WDR91: variants seen among roughly 807,000 people sequenced by gnomAD.
The protein encoded by WDR91 is WD repeat domain 91, also known as WD repeat-containing protein 91.
In WDR91, 52 loss-of-function variants were observed where a neutral mutation model predicts 88.4. The observed-to-expected ratio is 0.59, with a 90% CI of 0.47 to 0.74. The LOEUF is 0.74. Ranked by LOEUF, WDR91 falls within the 30% of genes least tolerant of loss-of-function variation. The probability of loss-of-function intolerance (pLI) is 0.00; values close to 1 mark genes in which losing one functional copy is unlikely to be tolerated. For missense variants in WDR91, 824 were observed against 954.5 expected (o/e 0.86, Z 1.80); for synonymous variants, 362 against 389.5 (o/e 0.93, Z 0.83).
chr7:135,208,743 C>T (rs1194034363), intron 3 of WDR91, 48 bp downstream of exon 3: 6 of 1,505,060 alleles, frequency 4.0e-6, no homozygotes, highest in Non-Finnish European at 5.4e-6. Flanking sequence ...ATCCTGAGGT[C>T]TGGGTGCCTC....
At chr7:135,194,792 C>T in intron 9 of WDR91, 142 bp downstream of exon 9, 1 of 1,185,896 alleles carries the variant, frequency 8.4e-7, no homozygotes, top group South Asian at 1.5e-5. Context: ...CTGGGCCAGT[C>T]CTGGATGTGT....
At position 135,193,297 on chromosome 7, in the gene WDR91, G is replaced by A. The variant is rs201469951; in HGVS notation, c.1593C>T (p.Gly531=). 1.9e-5 allele frequency: 31 copies of A among 1,614,078 alleles called. No homozygotes were observed. The highest frequency in any genetic ancestry group is 8.5e-7 in the Non-Finnish European group (1 of 1,180,050). The change falls in exon 11 of 15, where the codon GGC becomes GGT. Residue 531 remains glycine, a synonymous_variant. Transcript: ENST00000354475. The part of the protein sequence containing the change: ...SQVDFSAPDI[G]SKGMNQVPGR... ...CAGGAACCTGGTTCATGCCCTTGCT[G>A]CCGATGTCTGGTGCTGAGAAGTCCA...
intron 13 of WDR91, 24 bp from the exon 14 acceptor site, chr7:135,187,193 G>A (rs1324431206): frequency 7.4e-6 from 12 of 1,613,028 alleles, no homozygotes; most frequent in Non-Finnish European, 1.0e-5. Flanking sequence ...GCACAAGCAG[G>A]GTGCTCGCAG....
intron 6 of WDR91, chr7:135,199,437 G>A (rs1382278102): frequency 6.6e-6 from 1 of 152,232 alleles, no homozygotes; most frequent in Non-Finnish European, 1.5e-5. Context: ...AAAAGCCACG[G>A]AGAGGTAATG....
In WDR91 at chr7:135,196,325, T is replaced by C; in HGVS notation, c.1063A>G (p.Lys355Glu). Residue 355 changes from lysine (K) to glutamate (E), a missense_variant, in exon 8 of 15, where the codon AAA (lysine) becomes GAA (glutamate). By Grantham distance (56) the Lys-to-Glu change is moderately conservative (BLOSUM62 1). Coordinates refer to ENST00000354475, the MANE Select transcript of WDR91 (RefSeq NM_014149.4). This position sits in a 1 kb window ranked among gnomAD's most constrained non-coding sequence, Gnocchi z 4.2. Reference protein sequence around the residue: ...STTTSQCAEKKPEASGPEAEP... With the variant: ...STTTSQCAEKEPEASGPEAEP... Reference sequence around the variant, plus strand: ...GCCTCTGGGCCACTGGCTTCTGGTTTCTTCTCTGCACACTGTCACAAGCAG... The same window carrying C: ...GCCTCTGGGCCACTGGCTTCTGGTTCCTTCTCTGCACACTGTCACAAGCAG... 6.4e-7 allele frequency: 1 copy of C among 1,569,816 alleles called. No individual in the cohort carries two copies. The highest frequency in any genetic ancestry group is 8.6e-7 in the Non-Finnish European group (1 of 1,158,852).
chr7:135,208,630 CA>C (rs1201777179), intron 3 of WDR91, among the ~76,000 whole-genome samples, 160 bp downstream of exon 3: 3 of 152,196 alleles, frequency 2.0e-5, no homozygotes, highest in Non-Finnish European at 4.4e-5. Flanking sequence ...GGCTTACTGA[CA>C]AAAACAACCA....
At chr7:135,207,611 T>C (rs933430463) in intron 3 of WDR91, among the ~76,000 whole-genome samples, 2 of 152,202 alleles carry the variant, frequency 1.3e-5, no homozygotes, top group Non-Finnish European at 2.9e-5. Flanking sequence ...ATACAGCCAA[T>C]GAGGCAGAAA....
chr7:135,196,207 T>C lies in WDR91; in HGVS notation c.1181A>G (p.Gln394Arg). ...CTCCTGTCCCAGCACAATAAAGGGC[T>C]GCTCGGGGCGGACTCCTCCACCCTC... is the stretch of plus-strand genomic sequence containing the variant. ...GPEGGGVRPE[Q>R]PFIVLGQEEY... The change falls in exon 8 of 15, where the codon CAG (glutamine) becomes CGG (arginine). Residue 394 changes from glutamine (Q) to arginine (R), a missense_variant. Gln to Arg is a conservative substitution (Grantham distance 43). Transcript: ENST00000354475. The surrounding 1 kb of genome is among the most constrained non-coding windows in gnomAD (Gnocchi z 4.2). 6.2e-7 allele frequency: 1 copy of C among 1,610,346 alleles called. No homozygotes were observed. Among genetic ancestry groups the C allele is most frequent in the South Asian group, 1.1e-5 (1 of 90,666 alleles).
chr7:135,198,563 C>T (rs536465364), intron 6 of WDR91: 1 of 160,438 alleles, frequency 6.2e-6, no homozygotes, highest in Non-Finnish European at 1.4e-5. Flanking sequence ...ATGCAACAAG[C>T]AATCACCTCT....
At chr7:135,189,323 G>T in intron 12 of WDR91, 21 bp downstream of exon 12, 1 of 1,603,570 alleles carries the variant, frequency 6.2e-7, no homozygotes, top group Non-Finnish European at 8.5e-7. Flanking sequence ...ATCAAGGATT[G>T]CTATGAGCAC....
Position 135,187,145 on chromosome 7 carries a change from T to C in WDR91, c.1906A>G (p.Ser636Gly). The change falls in exon 14 of 15, where the codon AGT (serine) becomes GGT (glycine). Residue 636 changes from serine (S) to glycine (G), a missense_variant. Coordinates refer to ENST00000354475, the MANE Select transcript of WDR91 (RefSeq NM_014149.4). Reference sequence around the variant, plus strand: ...CTGTACTCGGATACCTTGAGGCCACTCTTGTGGATGTTCCACTGGATGAAC... The same window carrying C: ...CTGTACTCGGATACCTTGAGGCCACCCTTGTGGATGTTCCACTGGATGAAC... ...GKFIQWNIHK[S>G]GLKVSEYSLP... The C allele has an allele frequency of 1.2e-6, 2 of 1,614,204 alleles. No homozygotes were observed. The highest frequency in any genetic ancestry group is 1.7e-6 in the Non-Finnish European group (2 of 1,180,058).
chr7:135,208,740 G>C (rs756907812), intron 3 of WDR91, 51 bp downstream of exon 3: 4 of 1,502,572 alleles, frequency 2.7e-6, no homozygotes, highest in Non-Finnish European at 3.6e-6. Flanking sequence ...CTGATCCTGA[G>C]GTCTGGGTGC....
chr7:135,204,730 G>A (rs1335487910), intron 5 of WDR91, among the ~76,000 whole-genome samples: 1 of 152,146 alleles, frequency 6.6e-6, no homozygotes, highest in Admixed American at 6.6e-5. Flanking sequence ...AATGTGGTTA[G>A]TCCAAATCAA....
chr7:135,196,046 G>T lies in WDR91; in HGVS notation c.1244+98C>A. On this transcript the variant is annotated intron_variant, in intron 8 of 14. Transcript: ENST00000354475. The surrounding 1 kb of genome is among the most constrained non-coding windows in gnomAD (Gnocchi z 4.2). Reference sequence around the variant, plus strand: ...TGCCATGACTGTGGCCCTCGTCCAAGCCCCCATTCTCCGCCATCTCCTGCT... The same window carrying T: ...TGCCATGACTGTGGCCCTCGTCCAATCCCCCATTCTCCGCCATCTCCTGCT... 1 of 1,233,374 alleles carries T rather than the reference G, an allele frequency of 8.1e-7. No homozygotes were observed. Among genetic ancestry groups the T allele is most frequent in the Non-Finnish European group, 1.1e-6 (1 of 910,730 alleles). 76.4% of individuals were successfully genotyped at this position (1,233,374 alleles called of 1,614,324 possible). A position where few individuals can be genotyped will look rare whatever the true frequency, so the allele number is the denominator to read the frequency against.
intron 11 of WDR91, 141 bp downstream of exon 11, chr7:135,193,090 A>G: frequency 8.1e-7 from 1 of 1,228,244 alleles, no homozygotes; most frequent in South Asian, 1.5e-5. Flanking sequence ...GCCCAGTTGG[A>G]GTACACTACT....
At chr7:135,200,549 A>G (rs1831533913) in intron 6 of WDR91, among the ~76,000 whole-genome samples, 1 of 152,196 alleles carries the variant, frequency 6.6e-6, no homozygotes, top group Non-Finnish European at 1.5e-5. Flanking sequence ...TAAGCTGGGC[A>G]CTCATTCATG....
intron 1 of WDR91, among the ~76,000 whole-genome samples, chr7:135,210,511 A>C (rs1831975761): frequency 6.6e-6 from 1 of 152,246 alleles, no homozygotes; most frequent in Admixed American, 6.5e-5. Context: ...CAAGTCATCA[A>C]AGTTCCACGA....
intron 11 of WDR91, among the ~76,000 whole-genome samples, chr7:135,192,844 G>C (rs1831219417): frequency 6.6e-6 from 1 of 152,188 alleles, no homozygotes; most frequent in Non-Finnish European, 1.5e-5. Context: ...GTGGTGCCCA[G>C]GTCCCCTGGG....
chr7:135,203,131 G>A (rs1831632801), intron 6 of WDR91, among the ~76,000 whole-genome samples: 1 of 152,170 alleles, frequency 6.6e-6, no homozygotes, highest in Non-Finnish European at 1.5e-5. Context: ...TGACAAACGA[G>A]GAGCCAGAGC....
Sources: allele counts gnomAD v4.1 joint callset (sites outside exome capture counted in the v4.1 genomes callset), GRCh38; gene constraint gnomAD v4.1.1; non-coding constraint Gnocchi (gnomAD v3.1); transcripts MANE v1.5; gene names NCBI Gene and HGNC (gene_info 2026-07-23, HGNC 2026-07-21).